Variants in ARHGAP31 observed in about 807,000 individuals in gnomAD.
ARHGAP31 encodes rho GTPase-activating protein 31.
In ARHGAP31, 34 loss-of-function variants were observed where a neutral mutation model predicts 113.9. That is an observed-to-expected ratio of 0.30 (90% confidence interval 0.23 to 0.40). ARHGAP31 has a LOEUF of 0.40. ARHGAP31 is among the 10% of genes least tolerant of loss of function. The pLI is 1.00. For synonymous variants in ARHGAP31, 650 were observed against 684.8 expected, an observed-to-expected ratio of 0.95 and a Z score of 0.79; for missense variants, 1,548 against 1,767.1, an observed-to-expected ratio of 0.88 and a Z score of 2.22.
rs1277976870 is a variant in ARHGAP31, at chr3:119,409,477, ACT to A, written c.1646-15_1646-14del. On this transcript the variant is annotated splice_polypyrimidine_tract_variant and intron_variant, in intron 10 of 11. Coordinates refer to ENST00000264245, the MANE Select transcript of ARHGAP31 (RefSeq NM_020754.4). ...GAAATGAAGTCTCCTTTAACTGATA[ACT>A]CTCATTTTCACTGCAGCTTCTGTAC... 3 of 1,613,730 alleles carry A rather than the reference ACT, an allele frequency of 1.9e-6. No homozygotes were observed. Among genetic ancestry groups the A allele is most frequent in the African/African-American group, 1.3e-5 (1 of 74,862 alleles).
chr3:119,358,685 T>C (rs1184081525), intron 1 of ARHGAP31, among the ~76,000 whole-genome samples: 1 of 152,186 alleles, frequency 6.6e-6, no homozygotes, highest in African/African-American at 2.4e-5. Flanking sequence ...TACTGACACA[T>C]GCTACAACAT....
At position 119,350,720 on chromosome 3, in the gene ARHGAP31, A is replaced by G. The variant is rs62265250; in HGVS notation, c.101-14596A>G. Among the ~76,000 whole-genome samples, 373 of 152,338 alleles carry G rather than the reference A, an allele frequency of 2.4e-3. 2 individuals carry two copies. The highest frequency in any genetic ancestry group is 4.0e-3 in the Non-Finnish European group (273 of 68,030). On this transcript the variant is annotated intron_variant, in intron 1 of 11. Transcript: ENST00000264245. ...TAGCCATAGCAAAGGAGATATGTAT[A>G]AACCTCTTGAGATTGAAGTTTATAT...
At chr3:119,321,270 A>G (rs2079781726) in intron 1 of ARHGAP31, among the ~76,000 whole-genome samples, 1 of 124,988 alleles carries the variant, frequency 8.0e-6, no homozygotes. Flanking sequence ...TTTCACATAT[A>G]TATATATACT....
Position 119,414,166 on chromosome 3 carries a change from A to G in ARHGAP31, c.2237A>G (p.His746Arg). ...AAGCCGGAACCTGAGCAGGGCCTGCACCCAGACCTCGCCAGCCTGGCTCCT... is the reference window on the plus strand; with the variant it reads ...AAGCCGGAACCTGAGCAGGGCCTGCGCCCAGACCTCGCCAGCCTGGCTCCT... ...REKPEPEQGL[H>R]PDLASLAPLE... is the part of the protein sequence containing the mutation. Residue 746 changes from histidine to arginine, a missense_variant, in exon 12 of 12, where the codon CAC becomes CGC. His to Arg is a conservative substitution (Grantham distance 29). Coordinates refer to ENST00000264245, the MANE Select transcript of ARHGAP31 (RefSeq NM_020754.4). The G allele has an allele frequency of 6.2e-7, 1 of 1,614,088 alleles. No homozygotes were observed. Among genetic ancestry groups the G allele is most frequent in the South Asian group, 1.1e-5 (1 of 91,074 alleles).
intron 10 of ARHGAP31, among the ~76,000 whole-genome samples, chr3:119,406,551 C>T (rs554533505): frequency 1.2e-4 from 19 of 152,310 alleles, no homozygotes; most frequent in African/African-American, 4.3e-4. Flanking sequence ...CAGTGAAGTT[C>T]TATAGAGTCC....
chr3:119,382,516 T>C (rs1016405867), intron 5 of ARHGAP31, 117 bp downstream of exon 5: 4 of 956,356 alleles, frequency 4.2e-6, no homozygotes, highest in East Asian at 2.5e-5. Flanking sequence ...GTGGCTTAAG[T>C]GGTCATTTAT....
At chr3:119,380,769 G>C (rs901885200) in intron 3 of ARHGAP31, 135 bp from the exon 4 acceptor site, 1 of 752,498 alleles carries the variant, frequency 1.3e-6, no homozygotes, top group African/African-American at 1.7e-5. Flanking sequence ...TCATAGTAAA[G>C]CATGCCTCTT....
chr3:119,372,495 C>T (rs2080306963), intron 3 of ARHGAP31, among the ~76,000 whole-genome samples: 1 of 152,074 alleles, frequency 6.6e-6, no homozygotes, highest in African/African-American at 2.4e-5. Flanking sequence ...GTTGGCCAGC[C>T]TGGTCTTGAA....
intron 1 of ARHGAP31, among the ~76,000 whole-genome samples, chr3:119,328,592 GC>G (rs1457073495): frequency 6.6e-6 from 1 of 151,570 alleles, no homozygotes; most frequent in Non-Finnish European, 1.5e-5. Flanking sequence ...TTTCCTCCCT[GC>G]CCACCCAAAC....
chr3:119,349,016 A>G (rs2080087428), intron 1 of ARHGAP31, among the ~76,000 whole-genome samples: 1 of 152,216 alleles, frequency 6.6e-6, no homozygotes, highest in South Asian at 2.1e-4. Context: ...TTGAGCTGCA[A>G]AACTTCAGGA....
chr3:119,357,771 C>T (rs1029754149), intron 1 of ARHGAP31, among the ~76,000 whole-genome samples: 1 of 152,150 alleles, frequency 6.6e-6, no homozygotes, highest in African/African-American at 2.4e-5. Context: ...AGGGTGGTTT[C>T]AAAAATGTTC....
chr3:119,327,618 A>G (rs1200587081), intron 1 of ARHGAP31, among the ~76,000 whole-genome samples: 2 of 151,970 alleles, frequency 1.3e-5, no homozygotes, highest in Non-Finnish European at 2.9e-5. Flanking sequence ...TCTCCCACTC[A>G]CTTCTTCCTG....
rs763292963 is a variant in ARHGAP31 at position 119,409,681 on chromosome 3, G to C, written c.1831G>C (p.Val611Leu). The C allele has an allele frequency of 8.7e-6, 14 of 1,611,796 alleles. No homozygotes were observed. The highest frequency in any genetic ancestry group is 1.2e-5 in the Non-Finnish European group (14 of 1,178,914). Residue 611 changes from valine (V) to leucine (L), a missense_variant, in exon 11 of 12, where the codon GTG (valine) becomes CTG (leucine). By Grantham distance (32) the Val-to-Leu change is conservative. Transcript: ENST00000264245. ...AGAGAAGAGGCCAAATCCGGAGAAG[G>C]TGGTGGAGGAGGGACGAGAGGCTGG... is the stretch of plus-strand genomic sequence containing the variant. ...ELEKRPNPEK[V>L]VEEGREAGEM...
chr3:119,336,301 T>A (rs2079946346), intron 1 of ARHGAP31, among the ~76,000 whole-genome samples: 1 of 152,250 alleles, frequency 6.6e-6, no homozygotes, highest in African/African-American at 2.4e-5. Context: ...CTTTATTTTT[T>A]AAATTCTTAA....
intron 1 of ARHGAP31, among the ~76,000 whole-genome samples, chr3:119,336,538 C>G (rs529995245): frequency 1.3e-5 from 2 of 152,294 alleles, no homozygotes; most frequent in African/African-American, 4.8e-5. Context: ...AATCACCAAG[C>G]ACTGATAATT....
At chr3:119,343,484 A>T (rs1158767163) in intron 1 of ARHGAP31, among the ~76,000 whole-genome samples, 1 of 152,226 alleles carries the variant, frequency 6.6e-6, no homozygotes, top group Admixed American at 6.5e-5. Flanking sequence ...GAGCCAGGGG[A>T]GGTGGTACTC....
At chr3:119,408,362 A>C (rs1434308570) in intron 10 of ARHGAP31, among the ~76,000 whole-genome samples, 1 of 152,264 alleles carries the variant, frequency 6.6e-6, no homozygotes, top group Non-Finnish European at 1.5e-5. Context: ...GAAGCATTTT[A>C]GTTCAGACAT....
intron 1 of ARHGAP31, among the ~76,000 whole-genome samples, chr3:119,295,332 C>T (rs1210207832): frequency 1.3e-5 from 2 of 151,542 alleles, no homozygotes; most frequent in African/African-American, 2.4e-5. Context: ...AAACTTGGCA[C>T]GTTGGAAGGG....
rs775801076 is a variant in ARHGAP31, at chr3:119,383,135, A to T, written c.591A>T (p.Ala197=). The change falls in exon 6 of 12, where the codon GCA becomes GCT. Residue 197 remains alanine, a synonymous_variant. Transcript: ENST00000264245. ...GCAATGGAGATGCAGCCTTCCTTGC[A>T]GTCCGGGTCCAGCAGGTGGTGATTG... The part of the protein sequence containing the change: ...TGCNGDAAFL[A]VRVQQVVIEF... The T allele has an allele frequency of 6.2e-7, 1 of 1,614,216 alleles. No homozygotes were observed. The highest frequency in any genetic ancestry group is 8.5e-7 in the Non-Finnish European group (1 of 1,180,028).
Sources: gnomAD v4.1 joint callset for allele counts (sites outside exome capture counted in the v4.1 genomes callset) on GRCh38, gnomAD v4.1.1 for gene constraint, MANE v1.5 for transcripts, NCBI Gene and HGNC (gene_info 2026-07-23, HGNC 2026-07-21) for gene names.